TMPRSS6: variants seen among roughly 807,000 people sequenced by gnomAD.
TMPRSS6 encodes the protein transmembrane protease serine 6.
Under a neutral mutation model 101.5 loss-of-function variants are expected in TMPRSS6, and 67 were observed. The observed-to-expected ratio is 0.66, with a 90% CI of 0.54 to 0.81. The LOEUF (loss-of-function observed/expected upper bound fraction) is 0.81, where lower values mean the gene tolerates loss of function less well. TMPRSS6 is among the 30% of genes least tolerant of loss of function. TMPRSS6 has a pLI of 0.00. For synonymous variants in TMPRSS6, 453 were observed against 464.9 expected (o/e 0.97, Z 0.33); for missense variants, 1,034 against 1,088.7 (o/e 0.95, Z 0.71).
chr22:37,079,009 GA>G (rs764077580), intron 10 of TMPRSS6, among the ~76,000 whole-genome samples: 1 of 151,752 alleles, frequency 6.6e-6, no homozygotes, highest in Non-Finnish European at 1.5e-5. Flanking sequence ...AAGAAAGAAA[GA>G]AAGAAAGAGA....
At chr22:37,106,252 C>T (rs934451463) in intron 1 of TMPRSS6, among the ~76,000 whole-genome samples, 1 of 151,902 alleles carries the variant, frequency 6.6e-6, no homozygotes, top group Non-Finnish European at 1.5e-5. Flanking sequence ...AGAGTGACGC[C>T]CTGATCACTG....
rs968769273 is a variant in TMPRSS6 at position 37,069,050 on chromosome 22, C to T, written c.2113+23G>A. The T allele has an allele frequency of 3.3e-6, 5 of 1,535,654 alleles. No individual in the cohort carries two copies. The highest frequency in any genetic ancestry group is 2.4e-5 in the East Asian group (1 of 40,928). Reference sequence around the variant, plus strand: ...ATCCGCACGGTCTCCCTCCGCCTCCCGCCGCAAGTCCCCGCTGCTCACCGC... The same window carrying T: ...ATCCGCACGGTCTCCCTCCGCCTCCTGCCGCAAGTCCCCGCTGCTCACCGC... On this transcript the variant is annotated intron_variant, in intron 16 of 17. Transcript: ENST00000676104. This position sits in a 1 kb window ranked among gnomAD's most constrained non-coding sequence, Gnocchi z 4.8.
intron 7 of TMPRSS6, among the ~76,000 whole-genome samples, chr22:37,088,357 C>T (rs745991834): frequency 2.0e-5 from 3 of 152,160 alleles, no homozygotes; most frequent in Non-Finnish European, 4.4e-5. Flanking sequence ...TCAAAGACTG[C>T]GCTTGATCTG....
In TMPRSS6 at chr22:37,101,662, G is replaced by C. The variant is rs536387968; in HGVS notation, c.202+1554C>G. Among the ~76,000 whole-genome samples, 126 of 152,242 alleles carry C rather than the reference G, an allele frequency of 8.3e-4. No homozygotes were observed. The Middle Eastern group carries it at 0.014, about 16-fold the overall frequency. The stretch of plus-strand genomic sequence containing the variant: ...TCTGTGGGGGAGTTGGCTTCCCCCA[G>C]CAGAGGCTTGGGAGCACTCACCCCT... On this transcript the variant is annotated intron_variant, in intron 2 of 17. Transcript: ENST00000676104. The surrounding 1 kb of genome is among the most constrained non-coding windows in gnomAD (Gnocchi z 4.1).
rs1398804949 is a variant in TMPRSS6 at position 37,070,713 on chromosome 22, G to T, written c.1673-61C>A. 3.2e-6 allele frequency: 5 copies of T among 1,549,266 alleles called. No homozygotes were observed. The African/African-American group carries it at 6.8e-5, about 21-fold the overall frequency. ...AGGAGGGGAAGGGGAGAAGCAGACA[G>T]AGAGGAAGGGCAAAGGAAAGAGATG... On this transcript the variant is annotated intron_variant, in intron 14 of 17. Coordinates refer to ENST00000676104, the MANE Select transcript of TMPRSS6 (RefSeq NM_001374504.1).
intron 8 of TMPRSS6, 118 bp downstream of exon 8, chr22:37,086,165 C>A: frequency 7.1e-7 from 1 of 1,414,652 alleles, no homozygotes; most frequent in African/African-American, 1.4e-5. Flanking sequence ...CTTCCAGAAT[C>A]TTCCCTCTCC....
intron 10 of TMPRSS6, among the ~76,000 whole-genome samples, chr22:37,076,772 A>G (rs529182641): frequency 7.9e-5 from 12 of 152,166 alleles, no homozygotes; most frequent in African/African-American, 2.9e-4. Context: ...CCCTCCACAG[A>G]GCAAATCAGA....
At position 37,069,228 on chromosome 22, in the gene TMPRSS6, T is replaced by C; in HGVS notation, c.1958A>G (p.Glu653Gly). 6.2e-7 allele frequency: 1 copy of C among 1,610,406 alleles called. No homozygotes were observed. Among genetic ancestry groups the C allele is most frequent in the African/African-American group, 1.3e-5 (1 of 74,980 alleles). ...SRLLLHPYHE[E>G]DSHDYDVALL... Reference sequence around the variant, plus strand: ...CGCCACGTCGTAGTCATGGCTGTCCTCTTCGTGGTACGGGTGCAGGAGCAG... The same window carrying C: ...CGCCACGTCGTAGTCATGGCTGTCCCCTTCGTGGTACGGGTGCAGGAGCAG... Residue 653 changes from glutamate to glycine, a missense_variant, in exon 16 of 18, where the codon GAG becomes GGG. Coordinates refer to ENST00000676104, the MANE Select transcript of TMPRSS6 (RefSeq NM_001374504.1). The surrounding 1 kb of genome is among the most constrained non-coding windows in gnomAD (Gnocchi z 4.8).
chr22:37,078,231 G>A (rs1927847017), intron 10 of TMPRSS6, among the ~76,000 whole-genome samples: 1 of 152,172 alleles, frequency 6.6e-6, no homozygotes, highest in Non-Finnish European at 1.5e-5. Context: ...ACCCAAGCCG[G>A]GGTTGGAGGG....
intron 10 of TMPRSS6, among the ~76,000 whole-genome samples, chr22:37,075,978 A>T (rs531601525): frequency 1.3e-5 from 2 of 149,150 alleles, no homozygotes; most frequent in East Asian, 3.9e-4. Flanking sequence ...AGGGAAAAAG[A>T]AAGAAAGAAA....
rs755889810 is a variant in TMPRSS6, at chr22:37,103,576, T to C, written c.-1-158A>G. On this transcript the variant is annotated intron_variant, in intron 1 of 17. Transcript: ENST00000676104. The surrounding 1 kb of genome is among the most constrained non-coding windows in gnomAD (Gnocchi z 4.4). ...GACTGCAAGTGGGTGCCGAGACAGC[T>C]CACAGAGGAGGGAAGTGCATCTCAG... 3.1e-6 allele frequency: 5 copies of C among 1,613,316 alleles called. No individual in the cohort carries two copies. The highest frequency in any genetic ancestry group is 4.2e-6 in the Non-Finnish European group (5 of 1,179,956).
At chr22:37,109,132 C>A (rs1361793055) in intron 1 of TMPRSS6, among the ~76,000 whole-genome samples, 2 of 152,164 alleles carry the variant, frequency 1.3e-5, no homozygotes, top group African/African-American at 4.8e-5. Context: ...CTGTCTCCTA[C>A]ACCAGAAGGC....
In TMPRSS6 at chr22:37,086,429, C is replaced by T. The variant is rs1167611277; in HGVS notation, c.837-10G>A. On this transcript the variant is annotated splice_polypyrimidine_tract_variant and intron_variant, in intron 7 of 17. Coordinates refer to ENST00000676104, the MANE Select transcript of TMPRSS6 (RefSeq NM_001374504.1). ...GCTGCAGCCGTACACCCTGGCAGAA[C>T]AGAAAGGTGGCAAGGCTGGGCTGGG... The T allele has an allele frequency of 1.3e-6, 2 of 1,572,768 alleles. No homozygotes were observed. The highest frequency in any genetic ancestry group is 1.7e-6 in the Non-Finnish European group (2 of 1,158,922).
intron 6 of TMPRSS6, among the ~76,000 whole-genome samples, chr22:37,090,165 T>C (rs736852): frequency 0.47 from 72,116 of 152,096 alleles, 17,885 homozygotes; most frequent in African/African-American, 0.63. Flanking sequence ...TGGGGGTCCC[T>C]GCGTGAGCAA....
chr22:37,108,245 T>G (rs1407868270), intron 1 of TMPRSS6, among the ~76,000 whole-genome samples: 2 of 152,052 alleles, frequency 1.3e-5, no homozygotes, highest in Non-Finnish European at 2.9e-5. Flanking sequence ...GTCCCCACAC[T>G]CTTCCTTCTG....
chr22:37,082,057 A>C (rs1928312823), intron 10 of TMPRSS6, among the ~76,000 whole-genome samples: 1 of 152,308 alleles, frequency 6.6e-6, no homozygotes, highest in African/African-American at 2.4e-5. Flanking sequence ...GCCCAACTGC[A>C]TCAGGGAGGG....
At position 37,070,536 on chromosome 22, in the gene TMPRSS6, G is replaced by A. The variant is rs751267534; in HGVS notation, c.1789C>T (p.Leu597Phe). Residue 597 changes from leucine to phenylalanine, a missense_variant, in exon 15 of 18, where the codon CTC becomes TTC. Coordinates refer to ENST00000676104, the MANE Select transcript of TMPRSS6 (RefSeq NM_001374504.1). The part of the protein sequence containing the change: ...VRGRHICGGA[L>F]IADRWVITAA... The stretch of plus-strand genomic sequence containing the variant: ...GTTATCACCCAGCGGTCAGCGATGA[G>A]GGCCCCCCCACAGATGTGTCGACCC... 2 of 1,613,404 alleles carry A rather than the reference G, an allele frequency of 1.2e-6. No individual in the cohort carries two copies. Among genetic ancestry groups the A allele is most frequent in the East Asian group, 4.5e-5 (2 of 44,874 alleles).
intron 5 of TMPRSS6, 151 bp from the exon 6 acceptor site, chr22:37,095,743 G>C: frequency 2.4e-6 from 3 of 1,248,864 alleles, no homozygotes; most frequent in Non-Finnish European, 3.4e-6. Context: ...TTCTTTCCTG[G>C]CTCCTTGAAT....
Position 37,066,195 on chromosome 22 carries a change from C to A in TMPRSS6, c.2294G>T (p.Arg765Leu). The A allele has an allele frequency of 6.2e-7, 1 of 1,613,058 alleles. No homozygotes were observed. Among genetic ancestry groups the A allele is most frequent in the Non-Finnish European group, 8.5e-7 (1 of 1,179,954 alleles). ...GPLVCKALSG[R>L]WFLAGLVSWG... ...GCTGACCAGCCCCGCCAGGAACCAG[C>A]GGCCACTGAGTGCCTTGCACACCAG... Residue 765 changes from arginine to leucine, a missense_variant, in exon 18 of 18, where the codon CGC becomes CTC. Arg to Leu is a moderately radical substitution (Grantham distance 102, BLOSUM62 -2). Coordinates refer to ENST00000676104, the MANE Select transcript of TMPRSS6 (RefSeq NM_001374504.1).
Sources: gnomAD v4.1 joint callset for allele counts (sites outside exome capture counted in the v4.1 genomes callset) on GRCh38, gnomAD v4.1.1 for gene constraint, Gnocchi (gnomAD v3.1) non-coding constraint, MANE v1.5 for transcripts, NCBI Gene and HGNC (gene_info 2026-07-23, HGNC 2026-07-21) for gene names.